DSCAM: variants seen among roughly 807,000 people sequenced by gnomAD.
The protein encoded by DSCAM is DS cell adhesion molecule.
DSCAM carries 47 observed loss-of-function variants against 217.7 expected under a neutral mutation model. That is an observed-to-expected ratio of 0.22 (90% CI 0.17 to 0.28). The LOEUF (loss-of-function observed/expected upper bound fraction) is 0.28. Among genes scored for constraint, DSCAM ranks in the 10% least tolerant of loss-of-function variants. The probability of loss-of-function intolerance (pLI) is 1.00; values close to 1 mark genes in which losing one functional copy is unlikely to be tolerated. For synonymous variants in DSCAM, 1,056 were observed against 1,015.3 expected, an observed-to-expected ratio of 1.04 and a Z score of -0.76; for missense variants, 2,080 against 2,618.3, an observed-to-expected ratio of 0.79 and a Z score of 4.49.
At chr21:40,023,255 C>G (rs1032378479) in intron 32 of DSCAM, among the ~76,000 whole-genome samples, 2 of 152,028 alleles carry the variant, frequency 1.3e-5, no homozygotes, top group African/African-American at 2.4e-5. Flanking sequence ...GCCACATTTT[C>G]TTAATCCAAT....
rs757537662 is a variant in DSCAM at position 40,708,495 on chromosome 21, G to A, written c.320C>T (p.Pro107Leu). 2 of 1,512,020 alleles carry A rather than the reference G, an allele frequency of 1.3e-6. No individual in the cohort carries two copies. Among genetic ancestry groups the A allele is most frequent in the Admixed American group, 2.0e-5 (1 of 49,168 alleles). The allele number at this position is 1,512,020 out of a possible 1,614,324, so 93.7% of individuals were successfully genotyped here. Residue 107 changes from proline (P) to leucine (L), a missense_variant, in exon 2 of 33, where the codon CCT (proline) becomes CTT (leucine). Pro to Leu is a moderately conservative substitution (Grantham distance 98). Coordinates refer to ENST00000400454, the MANE Select transcript of DSCAM (RefSeq NM_001389.5). ...ATCCTGACTTCTAATTTTCCCTGAA[G>A]GATTTTCAGCTGTGCAATAATAAGT... Reference protein sequence around the residue: ...DNTYYCTAENPSGKIRSQDVH... With the variant: ...DNTYYCTAENLSGKIRSQDVH...
intron 20 of DSCAM, among the ~76,000 whole-genome samples, chr21:40,107,948 G>A (rs566809278): frequency 3.2e-4 from 49 of 151,946 alleles, no homozygotes; most frequent in Non-Finnish European, 6.3e-4. Flanking sequence ...AAGGCTTTTG[G>A]TAAAATCCAA....
chr21:40,265,966 G>A (rs2073520495), intron 11 of DSCAM, among the ~76,000 whole-genome samples: 2 of 152,144 alleles, frequency 1.3e-5, no homozygotes, highest in South Asian at 2.1e-4. Flanking sequence ...ATTATGTCTA[G>A]GACCCCAAAA....
intron 3 of DSCAM, among the ~76,000 whole-genome samples, chr21:40,652,318 G>T (rs995189260): frequency 2.8e-5 from 4 of 143,228 alleles, no homozygotes; most frequent in African/African-American, 5.3e-5. Context: ...TTAAAATTAA[G>T]GTTGGAAATT....
chr21:40,297,398 G>A (rs28756903), intron 9 of DSCAM, among the ~76,000 whole-genome samples: 16,744 of 152,210 alleles, frequency 0.11, 1,289 homozygotes, highest in East Asian at 0.33. Context: ...TAGACTTTCA[G>A]TGAGGCAGTC....
chr21:40,508,449 T>C (rs1277340314), intron 3 of DSCAM, among the ~76,000 whole-genome samples: 1 of 152,210 alleles, frequency 6.6e-6, no homozygotes, highest in African/African-American at 2.4e-5. Flanking sequence ...CAAATTGTAA[T>C]GGTAAAAAGA....
chr21:40,459,839 G>T, intron 3 of DSCAM, among the ~76,000 whole-genome samples: 1 of 152,050 alleles, frequency 6.6e-6, no homozygotes, highest in East Asian at 1.9e-4. Context: ...AATAAATAAG[G>T]TAGCAATCGG....
At chr21:40,685,766 T>C (rs1209304864) in intron 3 of DSCAM, among the ~76,000 whole-genome samples, 5 of 152,172 alleles carry the variant, frequency 3.3e-5, no homozygotes, top group African/African-American at 9.7e-5. Flanking sequence ...ACCTTTGACA[T>C]GGGCATGTAA....
In DSCAM at chr21:40,397,788, T is replaced by C. The variant is rs142943165; in HGVS notation, c.509-28543A>G. ...ATCACTAATACTACCACCACTACTA[T>C]GCTACTACTATTACCAATACTGCTA... On this transcript the variant is annotated intron_variant, in intron 3 of 32. Coordinates refer to ENST00000400454, the MANE Select transcript of DSCAM (RefSeq NM_001389.5). Among the ~76,000 whole-genome samples, 38 of 152,090 alleles carry C rather than the reference T, an allele frequency of 2.5e-4. No homozygotes were observed. In the East Asian group the frequency reaches 6.8e-3, roughly 27 times the overall value.
At chr21:40,265,057 G>C (rs1382489691) in intron 11 of DSCAM, among the ~76,000 whole-genome samples, 2 of 140,602 alleles carry the variant, frequency 1.4e-5, no homozygotes, top group Non-Finnish European at 3.0e-5. Context: ...GCCAGGTGTA[G>C]TGACAGGCAT....
chr21:40,276,149 G>A lies in DSCAM; in HGVS notation c.2304C>T (p.Val768=), dbSNP rs2073683887. The A allele has an allele frequency of 5.0e-6, 8 of 1,612,170 alleles. No homozygotes were observed. The highest frequency in any genetic ancestry group is 6.8e-6 in the Non-Finnish European group (8 of 1,179,188). Residue 768 remains valine, a synonymous_variant, in exon 11 of 33, where the codon GTC becomes GTT. Coordinates refer to ENST00000400454, the MANE Select transcript of DSCAM (RefSeq NM_001389.5). ...EEDSGYYLCK[V]SNDVGADVSK... ...TGACGTCTGCGCCCACATCGTTGCT[G>A]ACCTTGCAGAGGTAGTAGCCACTGT... is the stretch of plus-strand genomic sequence containing the variant.
intron 3 of DSCAM, among the ~76,000 whole-genome samples, chr21:40,461,899 A>G (rs1487682078): frequency 6.6e-6 from 1 of 152,238 alleles, no homozygotes. Context: ...TAGAGCCCCC[A>G]GAAAGGGACC....
At chr21:40,197,023 T>C (rs2091017804) in intron 11 of DSCAM, among the ~76,000 whole-genome samples, 1 of 152,220 alleles carries the variant, frequency 6.6e-6, no homozygotes, top group Non-Finnish European at 1.5e-5. Flanking sequence ...AAACACCGCC[T>C]TTAAATGGGC....
intron 3 of DSCAM, among the ~76,000 whole-genome samples, chr21:40,625,096 G>T (rs1383819928): frequency 6.6e-6 from 1 of 151,942 alleles, no homozygotes; most frequent in Non-Finnish European, 1.5e-5. Context: ...TATTATTTAG[G>T]TGTCCAAATG....
intron 11 of DSCAM, among the ~76,000 whole-genome samples, chr21:40,247,964 A>G (rs532119334): frequency 1.3e-3 from 200 of 152,254 alleles, no homozygotes; most frequent in African/African-American, 4.5e-3. Flanking sequence ...ACTTCTGTGC[A>G]CCCACAGGCT....
chr21:40,752,796 CAAAAGGAAG>C (rs1294428457), intron 1 of DSCAM, among the ~76,000 whole-genome samples: 2 of 151,622 alleles, frequency 1.3e-5, no homozygotes, highest in Non-Finnish European at 2.9e-5. Flanking sequence ...TAAAGAATTA[CAAAAGGAAG>C]GAAAGGAGGA....
chr21:40,189,526 G>A (rs566141784), intron 11 of DSCAM, among the ~76,000 whole-genome samples: 1 of 152,260 alleles, frequency 6.6e-6, no homozygotes, highest in East Asian at 1.9e-4. Context: ...CACCCAGAAT[G>A]ATTGATATGG....
At chr21:40,183,423 G>GGA (rs2090859470) in intron 14 of DSCAM, among the ~76,000 whole-genome samples, 1 of 152,196 alleles carries the variant, frequency 6.6e-6, no homozygotes, top group Non-Finnish European at 1.5e-5. Context: ...CTGTGCCTGT[G>GGA]CCCGCTCAGA....
At position 40,653,014 on chromosome 21, in the gene DSCAM, G is replaced by GTCACAACT. The variant is rs1446771980; in HGVS notation, c.508+39788_508+39795dup. ...TGGTTGATGATACTCTGTATGTGTT[G>GTCACAACT]TCACAACTTCTTACTGGAAGAGTTA... On this transcript the variant is annotated intron_variant, in intron 3 of 32. Coordinates refer to ENST00000400454, the MANE Select transcript of DSCAM (RefSeq NM_001389.5). 3.9e-5 allele frequency among the ~76,000 whole-genome samples: 6 copies of GTCACAACT among 152,270 alleles called. No individual in the cohort carries two copies. In the South Asian group the frequency reaches 1.0e-3, roughly 26 times the overall value.
Sources: allele counts gnomAD v4.1 joint callset (sites outside exome capture counted in the v4.1 genomes callset), GRCh38; gene constraint gnomAD v4.1.1; transcripts MANE v1.5; gene names NCBI Gene and HGNC (gene_info 2026-07-23, HGNC 2026-07-21).